IGF1R: variants seen among roughly 807,000 people sequenced by gnomAD.
The protein encoded by IGF1R is insulin-like growth factor 1 receptor.
A neutral mutation model predicts 144.6 loss-of-function variants in IGF1R; 44 were observed. That is an observed-to-expected ratio of 0.30 (90% CI 0.24 to 0.39). The LOEUF is 0.39. Ranked by LOEUF, IGF1R falls within the 10% of genes least tolerant of loss-of-function variation. The probability of loss-of-function intolerance (pLI) is 1.00; values close to 1 mark genes in which losing one functional copy is unlikely to be tolerated. For missense variants in IGF1R, 1,355 were observed against 1,833.7 expected (o/e 0.74, Z 4.77); for synonymous variants, 795 against 722.8 (o/e 1.10, Z -1.60).
At chr15:98,938,965 T>C (rs901921707) in intron 17 of IGF1R, among the ~76,000 whole-genome samples, 1 of 152,112 alleles carries the variant, frequency 6.6e-6, no homozygotes, top group African/African-American at 2.4e-5. Context: ...TGCAAATTGG[T>C]GTTTCCCTCA....
intron 2 of IGF1R, among the ~76,000 whole-genome samples, chr15:98,818,159 C>T (rs1180497117): frequency 6.6e-6 from 1 of 152,156 alleles, no homozygotes; most frequent in African/African-American, 2.4e-5. Flanking sequence ...GCCCTACCTT[C>T]AACAGAGTCA....
At chr15:98,712,809 C>T (rs1332179234) in intron 2 of IGF1R, among the ~76,000 whole-genome samples, 1 of 151,040 alleles carries the variant, frequency 6.6e-6, no homozygotes, top group Admixed American at 6.6e-5. Flanking sequence ...GGGGTTTCAC[C>T]ATGTTAACCA....
intron 10 of IGF1R, among the ~76,000 whole-genome samples, chr15:98,918,673 G>A (rs376133635): frequency 7.3e-4 from 111 of 152,256 alleles, no homozygotes; most frequent in African/African-American, 2.5e-3. Context: ...AAGATCAGGC[G>A]TTCGAGACCA....
intron 1 of IGF1R, among the ~76,000 whole-genome samples, chr15:98,705,900 A>G (rs1193055535): frequency 6.6e-6 from 1 of 152,166 alleles, no homozygotes; most frequent in African/African-American, 2.4e-5. Flanking sequence ...CATTTCCTCA[A>G]CTGCTCCCCT....
In IGF1R at chr15:98,718,328, G is replaced by A. The variant is rs530526726; in HGVS notation, c.640+10221G>A. 5.3e-5 allele frequency among the ~76,000 whole-genome samples: 8 copies of A among 152,326 alleles called. No individual in the cohort carries two copies. In the South Asian group the frequency reaches 1.7e-3, roughly 32 times the overall value. ...GAGGCAGCGTATTTAGGGACTGTCG[G>A]TTGCTTGATACCCATGGCCTTGTTT... On this transcript the variant is annotated intron_variant, in intron 2 of 20. Coordinates refer to ENST00000650285, the MANE Select transcript of IGF1R (RefSeq NM_000875.5).
rs201544675 is a variant in IGF1R, at chr15:98,649,682, A to G, written c.94+7A>G. On this transcript the variant is annotated splice_region_variant and intron_variant, in intron 1 of 20. Transcript: ENST00000650285. ...TGGCCGACGAGTGGAGAAAGTGAGT[A>G]TGTGCCCGCCGCCCGCGGCCACTGC... The G allele has an allele frequency of 2.1e-5, 34 of 1,602,262 alleles. No homozygotes were observed. The East Asian group carries it at 6.1e-4, about 29-fold the overall frequency.
At chr15:98,887,013 C>T (rs2013674008) in intron 2 of IGF1R, among the ~76,000 whole-genome samples, 1 of 152,148 alleles carries the variant, frequency 6.6e-6, no homozygotes, top group Non-Finnish European at 1.5e-5. Context: ...CATTGCTGCC[C>T]CCGCATAGAG....
chr15:98,771,411 G>C (rs2055581390), intron 2 of IGF1R, among the ~76,000 whole-genome samples: 1 of 152,184 alleles, frequency 6.6e-6, no homozygotes, highest in Admixed American at 6.5e-5. Context: ...GGGGTTCTCA[G>C]ATTCCTGTGA....
intron 2 of IGF1R, among the ~76,000 whole-genome samples, chr15:98,822,853 G>C (rs575978064): frequency 6.6e-6 from 1 of 152,346 alleles, no homozygotes; most frequent in East Asian, 1.9e-4. Flanking sequence ...TTATTTTGGA[G>C]AAAGAGAGGG....
chr15:98,862,610 C>T (rs2684778), intron 2 of IGF1R, among the ~76,000 whole-genome samples: 30,194 of 152,050 alleles, frequency 0.2, 3,817 homozygotes, highest in East Asian at 0.42. Context: ...TTGAGGTGCA[C>T]GGCTTTTAGT....
chr15:98,774,316 A>C (rs929749561), intron 2 of IGF1R, among the ~76,000 whole-genome samples: 3 of 152,168 alleles, frequency 2.0e-5, no homozygotes, highest in African/African-American at 7.2e-5. Context: ...TTAGAGGCCA[A>C]AACACAAGAC....
intron 2 of IGF1R, among the ~76,000 whole-genome samples, chr15:98,785,617 C>G (rs1355931171): frequency 6.6e-6 from 1 of 152,166 alleles, no homozygotes; most frequent in Non-Finnish European, 1.5e-5. Flanking sequence ...GAGTCCTCAC[C>G]AGTACATTGG....
chr15:98,697,481 C>G (rs1044825008), intron 1 of IGF1R, among the ~76,000 whole-genome samples: 1 of 152,140 alleles, frequency 6.6e-6, no homozygotes, highest in African/African-American at 2.4e-5. Context: ...CCTGACGAAT[C>G]TGACTGTGCT....
At chr15:98,766,791 T>A (rs1737391262) in intron 2 of IGF1R, among the ~76,000 whole-genome samples, 1 of 152,220 alleles carries the variant, frequency 6.6e-6, no homozygotes, top group South Asian at 2.1e-4. Flanking sequence ...TTTGTCATGA[T>A]CATCTTGTAA....
intron 13 of IGF1R, among the ~76,000 whole-genome samples, 183 bp from the exon 14 acceptor site, chr15:98,929,375 A>G (rs1044661622): frequency 1.3e-5 from 2 of 152,148 alleles, no homozygotes; most frequent in Non-Finnish European, 2.9e-5. Context: ...CTCTTTTTTC[A>G]AATAATTGTT....
At chr15:98,650,376 G>A (rs193141454) in intron 1 of IGF1R, among the ~76,000 whole-genome samples, 69 of 152,350 alleles carry the variant, frequency 4.5e-4, no homozygotes, top group Admixed American at 2.4e-3. Flanking sequence ...GCTGGGCGGT[G>A]GGGTGAGGGG....
chr15:98,827,728 G>T (rs1169858587), intron 2 of IGF1R, among the ~76,000 whole-genome samples: 2 of 152,058 alleles, frequency 1.3e-5, no homozygotes, highest in Non-Finnish European at 2.9e-5. Context: ...GATTACATGC[G>T]CACGCCACCA....
chr15:98,917,021 G>A, intron 10 of IGF1R, 145 bp downstream of exon 10: 1 of 760,666 alleles, frequency 1.3e-6, no homozygotes, highest in South Asian at 1.5e-5. Flanking sequence ...AAAGATGACA[G>A]GTTCGGTGAA....
Position 98,707,347 on chromosome 15 carries a change from G to A in IGF1R, c.95-215G>A, listed in dbSNP as rs566332608. ...ATGGTCGGTTGGAGTGTGTTGCACA[G>A]CGTCTGGTCCAGTGTTGGCACTGTA... On this transcript the variant is annotated intron_variant, in intron 1 of 20. Coordinates refer to ENST00000650285, the MANE Select transcript of IGF1R (RefSeq NM_000875.5). This position sits in a 1 kb window ranked among gnomAD's most constrained non-coding sequence, Gnocchi z 6.7. Among the ~76,000 whole-genome samples, 27 of 152,208 alleles carry A rather than the reference G, an allele frequency of 1.8e-4. No individual in the cohort carries two copies. Among genetic ancestry groups the A allele is most frequent in the Non-Finnish European group, 3.2e-4 (22 of 68,038 alleles).
Sources: gnomAD v4.1 joint callset for allele counts (sites outside exome capture counted in the v4.1 genomes callset) on GRCh38, gnomAD v4.1.1 for gene constraint, Gnocchi (gnomAD v3.1) non-coding constraint, MANE v1.5 for transcripts, NCBI Gene and HGNC (gene_info 2026-07-23, HGNC 2026-07-21) for gene names.